DNAH12: variants seen among roughly 807,000 people sequenced by gnomAD.
DNAH12 encodes the protein dynein axonemal heavy chain 12, also known as axonemal beta dynein heavy chain 12.
In DNAH12, 285 loss-of-function variants were observed where a neutral mutation model predicts 371.5. The ratio of observed to expected loss-of-function variants is 0.77; its 90% CI spans 0.70 to 0.85. DNAH12 has a LOEUF of 0.85. Ranked by LOEUF, DNAH12 falls within the 40% of genes least tolerant of loss-of-function variation. The pLI, the probability that DNAH12 is intolerant of heterozygous loss-of-function variation, is 0.00. For missense variants in DNAH12, 3,611 were observed against 3,689.4 expected, an observed-to-expected ratio of 0.98 and a Z score of 0.55; for synonymous variants, 1,200 against 1,213.0, an observed-to-expected ratio of 0.99 and a Z score of 0.22.
At chr3:57,359,559 C>CAAAAAA (rs1268515074) in intron 58 of DNAH12, among the ~76,000 whole-genome samples, 20 of 71,984 alleles carry the variant, frequency 2.8e-4, no homozygotes, top group Admixed American at 5.4e-4. Context: ...AACTCCATCT[C>CAAAAAA]AAAAAAAAAA....
intron 4 of DNAH12, among the ~76,000 whole-genome samples, chr3:57,521,365 G>A (rs773577816): frequency 1.8e-4 from 28 of 151,538 alleles, no homozygotes; most frequent in African/African-American, 5.1e-4. Context: ...AATGATTTTC[G>A]CAACTTAGTC....
intron 62 of DNAH12, among the ~76,000 whole-genome samples, chr3:57,325,637 A>G (rs1467281664): frequency 6.6e-6 from 1 of 152,148 alleles, no homozygotes; most frequent in Non-Finnish European, 1.5e-5. Context: ...AGAGCAGAAA[A>G]ACTGGAAACT....
intron 58 of DNAH12, among the ~76,000 whole-genome samples, chr3:57,362,324 C>T (rs2062955583): frequency 6.6e-6 from 1 of 152,172 alleles, no homozygotes; most frequent in African/African-American, 2.4e-5. Flanking sequence ...CCACAATAAA[C>T]ATACGTGTGC....
rs980607396 is a variant in DNAH12, at chr3:57,544,225, C to G, written c.-62G>C. On this transcript the variant is annotated 5_prime_UTR_variant, in exon 1 of 74. Transcript: ENST00000495027. ...ATTGTTTCTCACTACTTCCCCGCTG[C>G]GCAGACGCCAGAGAGAGAGAGAGAC... The G allele has an allele frequency of 3.4e-4, 51 of 152,072 alleles. No individual in the cohort carries two copies. The highest frequency in any genetic ancestry group is 1.2e-3 in the African/African-American group (51 of 41,348). The allele number at this position is 152,072 out of a possible 1,614,324, so 9.4% of individuals were successfully genotyped here.
intron 2 of DNAH12, among the ~76,000 whole-genome samples, chr3:57,527,346 A>G (rs1172562985): frequency 1.3e-5 from 2 of 152,228 alleles, no homozygotes; most frequent in African/African-American, 4.8e-5. Flanking sequence ...AACAAAAACA[A>G]AGGAAATTTT....
intron 40 of DNAH12, 93 bp downstream of exon 40, chr3:57,408,187 A>G: frequency 7.4e-7 from 1 of 1,350,520 alleles, no homozygotes; most frequent in Middle Eastern, 2.0e-4. Context: ...TCTGACACCA[A>G]AGACCAAAGC....
At position 57,433,689 on chromosome 3, in the gene DNAH12, T is replaced by G; in HGVS notation, c.4795A>C (p.Thr1599Pro). Residue 1599 changes from threonine (T) to proline (P), a missense_variant, in exon 31 of 74, where the codon ACT (threonine) becomes CCT (proline). Thr to Pro is a conservative substitution (Grantham distance 38). Around this residue, in one of 3 missense-constraint regions of DNAH12, gnomAD observed 2,266 missense variants for 2,236.9 expected, o/e 1.01. Transcript: ENST00000495027. ...AACTGTCCAAAAAGTTGGCCCATAG[T>G]AATAGATTTGGGGTTTACAGTTCTA... Reference protein sequence around the residue: ...IYRTVNPKSITMGQLFGQFDP... With the variant: ...IYRTVNPKSIPMGQLFGQFDP... The G allele has an allele frequency of 1.3e-6, 2 of 1,550,940 alleles. No individual in the cohort carries two copies. The highest frequency in any genetic ancestry group is 2.7e-5 in the African/African-American group (2 of 73,150).
At chr3:57,550,100 G>A in the DNAH12 span, among the ~76,000 whole-genome samples, 1 of 152,048 alleles carries the variant, frequency 6.6e-6, no homozygotes, top group Non-Finnish European at 1.5e-5. Context: ...CTTGAGGCCA[G>A]GAGTGCAAGA....
chr3:57,304,056 A>AC (rs1294193136), intron 69 of DNAH12, among the ~76,000 whole-genome samples: 2 of 104,720 alleles, frequency 1.9e-5, no homozygotes, highest in South Asian at 3.6e-4. Context: ...GCACCTTGTG[A>AC]CCCCCCACTC....
intron 57 of DNAH12, among the ~76,000 whole-genome samples, chr3:57,365,455 T>C (rs2063030227): frequency 6.6e-6 from 1 of 152,074 alleles, no homozygotes; most frequent in Admixed American, 6.6e-5. Flanking sequence ...CTGGGGCCTG[T>C]CAGGGTGGGT....
rs999204685 is a variant in DNAH12, at chr3:57,448,201, T to C, written c.3787-1512A>G. On this transcript the variant is annotated intron_variant, in intron 25 of 73. Transcript: ENST00000495027. ...GAGGTGAGTCTTACAGCTCTTAAGG[T>C]GGCGCATCCAGAGTTTGTTCCTTCT... Among the ~76,000 whole-genome samples, 16 of 152,158 alleles carry C rather than the reference T, an allele frequency of 1.1e-4. 2 individuals carry two copies. Among genetic ancestry groups the C allele is most frequent in the Admixed American group, 9.8e-4 (15 of 15,270 alleles).
At chr3:57,347,440 G>T (rs2062568052) in intron 60 of DNAH12, among the ~76,000 whole-genome samples, 1 of 152,112 alleles carries the variant, frequency 6.6e-6, no homozygotes, top group South Asian at 2.1e-4. Context: ...TGACAGCTGG[G>T]CACAGGAGCT....
chr3:57,415,426 C>T lies in DNAH12; in HGVS notation c.5853G>A (p.Gln1951=). Residue 1951 remains glutamine (Q), a splice_region_variant and synonymous_variant, in exon 38 of 74, where the codon CAG becomes CAA. Transcript: ENST00000495027. The stretch of plus-strand genomic sequence containing the variant: ...CCCCCATTTCTGTCTTTAAACTAAC[C>T]TGAACCTGATTGGCGCTGGTCCGTG... ...LSARTSANQV[Q]NIIMARLDKR... is the part of the protein sequence containing the mutation. The T allele has an allele frequency of 1.3e-6, 2 of 1,548,190 alleles. No individual in the cohort carries two copies. Among genetic ancestry groups the T allele is most frequent in the Admixed American group, 2.0e-5 (1 of 50,046 alleles).
At chr3:57,303,812 C>CT (rs2061413118) in intron 69 of DNAH12, among the ~76,000 whole-genome samples, 2 of 152,294 alleles carry the variant, frequency 1.3e-5, no homozygotes, top group South Asian at 4.1e-4. Flanking sequence ...TGTCAGGACT[C>CT]TGAGCCCAAG....
In DNAH12 at chr3:57,452,902, G is replaced by C; in HGVS notation, c.3727C>G (p.Leu1243Val). ...NCNVKYAYEYLGNSPRLVITP... is the reference protein window; with the variant it reads ...NCNVKYAYEYVGNSPRLVITP... ...ATGACAAGTCGAGGTGAGTTACCAA[G>C]ATATTCATAAGCATATTTTACATTG... is the stretch of plus-strand genomic sequence containing the variant. The change falls in exon 25 of 74, where the codon CTT (leucine) becomes GTT (valine). Residue 1243 changes from leucine to valine, a missense_variant. Leu to Val is a conservative substitution (Grantham distance 32). Coordinates refer to ENST00000495027, the MANE Select transcript of DNAH12 (RefSeq NM_001366028.2). 1 of 1,551,210 alleles carries C rather than the reference G, an allele frequency of 6.4e-7. No individual in the cohort carries two copies. Among genetic ancestry groups the C allele is most frequent in the Non-Finnish European group, 8.7e-7 (1 of 1,146,906 alleles).
At chr3:57,372,057 T>C (rs2063186130) in intron 55 of DNAH12, among the ~76,000 whole-genome samples, 1 of 151,052 alleles carries the variant, frequency 6.6e-6, no homozygotes, top group Non-Finnish European at 1.5e-5. Context: ...AGATCTAGCA[T>C]TTGATAGTGC....
At chr3:57,530,696 AC>A in intron 2 of DNAH12, 1 of 414,616 alleles carries the variant, frequency 2.4e-6, no homozygotes, top group South Asian at 3.2e-5. Context: ...GCATCTTGGT[AC>A]GGACCAGTTT....
intron 69 of DNAH12, among the ~76,000 whole-genome samples, chr3:57,302,529 G>GTTTATATA (rs879293648): frequency 0.024 from 1,126 of 47,776 alleles, 197 homozygotes; most frequent in East Asian, 0.092. Flanking sequence ...GGCATCAGGT[G>GTTTATATA]TATATATATA....
At chr3:57,389,532 G>C (rs1231853776) in intron 45 of DNAH12, among the ~76,000 whole-genome samples, 1 of 151,790 alleles carries the variant, frequency 6.6e-6, no homozygotes, top group African/African-American at 2.4e-5. Flanking sequence ...TTTCATACTT[G>C]GGCTTGTCCC....
Sources: gnomAD v4.1 joint callset for allele counts (sites outside exome capture counted in the v4.1 genomes callset) on GRCh38, gnomAD v4.1.1 for gene constraint, gnomAD v4.1.1 regional missense constraint, MANE v1.5 for transcripts, NCBI Gene and HGNC (gene_info 2026-07-23, HGNC 2026-07-21) for gene names.